MYO6: variants seen among roughly 807,000 people sequenced by gnomAD.
The protein encoded by MYO6 is myosin VI.
MYO6 carries 74 observed loss-of-function variants against 178.7 expected under a neutral mutation model. The observed-to-expected ratio is 0.41, with a 90% confidence interval of 0.34 to 0.50. The LOEUF (loss-of-function observed/expected upper bound fraction) is 0.50, where lower values mean the gene tolerates loss of function less well. Ranked by LOEUF, MYO6 falls within the 20% of genes least tolerant of loss-of-function variation. The pLI, the probability that MYO6 is intolerant of heterozygous loss-of-function variation, is 0.09. For missense variants in MYO6, 1,330 were observed against 1,547.4 expected (o/e 0.86, Z 2.36); for synonymous variants, 477 against 504.6 (o/e 0.95, Z 0.73).
At chr6:75,761,260 A>G (rs1012040218) in intron 1 of MYO6, among the ~76,000 whole-genome samples, 5 of 152,200 alleles carry the variant, frequency 3.3e-5, no homozygotes, top group Admixed American at 3.3e-4. Flanking sequence ...GTCATCATGT[A>G]TTCAAATGGC....
At chr6:75,773,934 C>G (rs1047633537) in intron 1 of MYO6, among the ~76,000 whole-genome samples, 1 of 152,128 alleles carries the variant, frequency 6.6e-6, no homozygotes, top group Non-Finnish European at 1.5e-5. Flanking sequence ...TAGAGATAAT[C>G]ACTAGTTTTT....
chr6:75,764,334 G>A (rs1006793118), intron 1 of MYO6, among the ~76,000 whole-genome samples: 3 of 152,086 alleles, frequency 2.0e-5, no homozygotes, highest in African/African-American at 4.8e-5. Context: ...TTCCCCAAAC[G>A]TGTCCCCATT....
intron 12 of MYO6, among the ~76,000 whole-genome samples, chr6:75,856,830 T>C (rs1385931191): frequency 1.3e-5 from 2 of 152,154 alleles, no homozygotes; most frequent in East Asian, 3.8e-4. Flanking sequence ...ATTTTGTATG[T>C]ATTCAGGATG....
chr6:75,820,389 G>A (rs933898193), intron 2 of MYO6, among the ~76,000 whole-genome samples: 1 of 152,040 alleles, frequency 6.6e-6, no homozygotes, highest in African/African-American at 2.4e-5. Context: ...TTATTTTTGA[G>A]TTGGAGTTTT....
At chr6:75,830,683 C>A in intron 5 of MYO6, 138 bp downstream of exon 5, 1 of 828,150 alleles carries the variant, frequency 1.2e-6, no homozygotes, top group South Asian at 1.6e-5. Flanking sequence ...TTGGATATAT[C>A]AACATTGTTA....
chr6:75,905,672 C>T (rs557700825), intron 30 of MYO6, among the ~76,000 whole-genome samples: 1 of 152,346 alleles, frequency 6.6e-6, no homozygotes, highest in East Asian at 1.9e-4. Context: ...CAGAAATCAC[C>T]CGTCTTCTGC....
rs73751010 is a variant in MYO6, at chr6:75,794,761, T to A, written c.-47-22740T>A. On this transcript the variant is annotated intron_variant, in intron 1 of 34. Coordinates refer to ENST00000369977, the MANE Select transcript of MYO6 (RefSeq NM_004999.4). Reference sequence around the variant, plus strand: ...AAAATAAAAAAAATAAAAAAAAAAATAAAATGTGCTCTTTTATCACCTAAT... The same window carrying A: ...AAAATAAAAAAAATAAAAAAAAAAAAAAAATGTGCTCTTTTATCACCTAAT... Among the ~76,000 whole-genome samples the A allele has an allele frequency of 9.0e-4, 122 of 135,544 alleles. 2 individuals are homozygous for A. In the South Asian group the frequency reaches 0.015, roughly 16 times the overall value. The allele number at this position is 135,544 out of a possible 152,430, so 88.9% of individuals were successfully genotyped here.
intron 23 of MYO6, among the ~76,000 whole-genome samples, 199 bp from the exon 24 acceptor site, chr6:75,885,805 T>C (rs1213226912): frequency 2.6e-5 from 4 of 152,096 alleles, no homozygotes; most frequent in Admixed American, 6.5e-5. Flanking sequence ...GCCATTGCAC[T>C]CCAGCCTGGG....
intron 11 of MYO6, among the ~76,000 whole-genome samples, chr6:75,851,297 G>A (rs1046157891): frequency 4.6e-5 from 7 of 152,168 alleles, no homozygotes; most frequent in African/African-American, 1.2e-4. Context: ...TGAGGGTAAA[G>A]TGAACAGAAA....
intron 10 of MYO6, among the ~76,000 whole-genome samples, chr6:75,846,371 G>C (rs530248721): frequency 6.6e-6 from 1 of 151,792 alleles, no homozygotes; most frequent in African/African-American, 2.4e-5. Context: ...TTGTAAGCCC[G>C]ATATTTTTTA....
chr6:75,815,925 C>A (rs1214935989), intron 1 of MYO6, among the ~76,000 whole-genome samples: 1 of 152,174 alleles, frequency 6.6e-6, no homozygotes, highest in African/African-American at 2.4e-5. Flanking sequence ...ACCAGATGAT[C>A]CATTGTTACA....
chr6:75,817,783 AG>A (rs1461550699), intron 2 of MYO6, 119 bp downstream of exon 2: 10 of 903,622 alleles, frequency 1.1e-5, no homozygotes. Context: ...ATTTCTGGTA[AG>A]TGAGTCTGTT....
intron 1 of MYO6, among the ~76,000 whole-genome samples, chr6:75,754,450 G>A (rs187357859): frequency 9.7e-5 from 13 of 133,932 alleles, no homozygotes; most frequent in Admixed American, 2.9e-4. Flanking sequence ...AACCTGGCAG[G>A]TGGAAGTTGC....
At chr6:75,894,853 T>A in intron 28 of MYO6, 1 of 1,475,768 alleles carries the variant, frequency 6.8e-7, no homozygotes, top group Non-Finnish European at 9.2e-7. Context: ...AAGAATTGTT[T>A]TCTATGTATG....
chr6:75,898,270 A>G, intron 29 of MYO6, 103 bp from the exon 30 acceptor site: 1 of 764,078 alleles, frequency 1.3e-6, no homozygotes, highest in Non-Finnish European at 2.1e-6. Context: ...CAGTTGTTAA[A>G]TAATATTGAA....
chr6:75,819,073 G>C (rs1166264929), intron 2 of MYO6, among the ~76,000 whole-genome samples: 1 of 152,064 alleles, frequency 6.6e-6, no homozygotes, highest in Non-Finnish European at 1.5e-5. Flanking sequence ...GATTTAAGTG[G>C]ATATACTTTT....
chr6:75,903,285 G>T (rs1374750616), intron 30 of MYO6, among the ~76,000 whole-genome samples: 1 of 151,990 alleles, frequency 6.6e-6, no homozygotes, highest in East Asian at 1.9e-4. Context: ...TATCCTTGTT[G>T]ACTTTCCGTC....
intron 32 of MYO6, among the ~76,000 whole-genome samples, chr6:75,911,398 C>G (rs1780746120): frequency 6.6e-6 from 1 of 151,730 alleles, no homozygotes; most frequent in Non-Finnish European, 1.5e-5. Context: ...GATATGTGTT[C>G]CAAAAATCAC....
At position 75,754,501 on chromosome 6, in the gene MYO6, TTGAG is replaced by T. The variant is rs1231757663; in HGVS notation, c.-48+5083_-48+5086del. ...GGCCACTGCAGTCCAGCCTGGACGA[TTGAG>T]TGAGACTCCGTCTCAAAAAAAAAAA... On this transcript the variant is annotated intron_variant, in intron 1 of 34. Transcript: ENST00000369977. Among the ~76,000 whole-genome samples, 3 of 123,666 alleles carry T rather than the reference TTGAG, an allele frequency of 2.4e-5. No individual in the cohort carries two copies. The East Asian group carries it at 6.7e-4, about 28-fold the overall frequency. The allele number at this position is 123,666 out of a possible 152,430, so 81.1% of individuals were successfully genotyped here.
Sources: allele counts gnomAD v4.1 joint callset (sites outside exome capture counted in the v4.1 genomes callset), GRCh38; gene constraint gnomAD v4.1.1; transcripts MANE v1.5; gene names NCBI Gene and HGNC (gene_info 2026-07-23, HGNC 2026-07-21).